KRTAP5-3: variants seen among roughly 807,000 people sequenced by gnomAD.
KRTAP5-3 encodes keratin-associated protein 5-3.
A neutral mutation model predicts 2.3 loss-of-function variants in KRTAP5-3; 1 was observed. The observed-to-expected ratio is 0.44, with a 90% confidence interval of 0.16 to 2.10. The LOEUF (loss-of-function observed/expected upper bound fraction) is 2.10. Among genes scored for constraint, KRTAP5-3 ranks in the 30% most tolerant of loss-of-function variants. The pLI is 0.28. For synonymous variants in KRTAP5-3, 92 were observed against 117.6 expected, an observed-to-expected ratio of 0.78 and a Z score of 1.41; for missense variants, 229 against 291.4, an observed-to-expected ratio of 0.79 and a Z score of 1.56.
rs1849426948 is a variant in KRTAP5-3, at chr11:1,607,642, G to A, written c.*27C>T. On this transcript the variant is annotated 3_prime_UTR_variant, in exon 1 of 1. Coordinates refer to ENST00000399685, the MANE Select transcript of KRTAP5-3 (RefSeq NM_001012708.2). Reference sequence around the variant, plus strand: ...ATTCCTGGAGAGCCCGGATCTGTAGGACCCACTGAGGTTTGTGGGCAGAGC... The same window carrying A: ...ATTCCTGGAGAGCCCGGATCTGTAGAACCCACTGAGGTTTGTGGGCAGAGC... 1.2e-6 allele frequency: 2 copies of A among 1,614,064 alleles called. No individual in the cohort carries two copies. The highest frequency in any genetic ancestry group is 2.2e-5 in the East Asian group (1 of 44,900).
chr11:1,608,235 C>T lies in KRTAP5-3; in HGVS notation c.151G>A (p.Ala51Thr), dbSNP rs776445636. 1 of 1,601,234 alleles carries T rather than the reference C, an allele frequency of 6.2e-7. No homozygotes were observed. Among genetic ancestry groups the T allele is most frequent in the African/African-American group, 1.4e-5 (1 of 71,918 alleles). ...GAGCCACAGCTGGAGCAGGAACAGGCTGGCACACAGCAGCACACGGGCTTG... is the reference window on the plus strand; with the variant it reads ...GAGCCACAGCTGGAGCAGGAACAGGTTGGCACACAGCAGCACACGGGCTTG... ...CCKPVCCCVP[A>T]CSCSSCGSCG... The change falls in exon 1 of 1, where the codon GCC becomes ACC. Residue 51 changes from alanine (A) to threonine (T), a missense_variant. Ala to Thr is a moderately conservative substitution (Grantham distance 58). Around this residue, in one of 2 missense-constraint regions of KRTAP5-3, gnomAD observed 190 missense variants for 207.6 expected, o/e 0.92. Transcript: ENST00000399685.
In KRTAP5-3 at chr11:1,608,269, G is replaced by A; in HGVS notation, c.117C>T (p.Val39=). The A allele has an allele frequency of 3.7e-6, 6 of 1,611,884 alleles. No individual in the cohort carries two copies. Among genetic ancestry groups the A allele is most frequent in the Non-Finnish European group, 5.1e-6 (6 of 1,179,734 alleles). Residue 39 remains valine (V), a synonymous_variant, in exon 1 of 1, where the codon GTC becomes GTT. Transcript: ENST00000399685. ...AGCAGCACACGGGCTTGCAGCAGCA[G>A]ACAGGTACACAGCAGCCGGAGCCAC... ...GGCGSGCCVP[V]CCCKPVCCCV... is the part of the protein sequence containing the mutation.
In KRTAP5-3 at chr11:1,607,808, CA is replaced by C; in HGVS notation, c.577del (p.Cys193AlafsTer73). On this transcript the variant is annotated frameshift_variant, in exon 1 of 1. Transcript: ENST00000399685. LOFTEE classifies it low-confidence loss of function (END_TRUNC). Reference protein sequence around the residue: ...SCCQSSCCKPCCSQSSCCKPC... With the variant: ...SCCQSSCCKPXCSQSSCCKPC... ...CTTACAGCAGCTGGACTGGGAACAG[CA>C]GGGTTTGCAGCAGCTGGACTGGCAG... is the stretch of plus-strand genomic sequence containing the variant. 6.4e-7 allele frequency: 1 copy of C among 1,559,398 alleles called. No homozygotes were observed.
chr11:1,608,369 C>A lies in KRTAP5-3; in HGVS notation c.17G>T (p.Cys6Phe), dbSNP rs749904418. 1 of 1,612,562 alleles carries A rather than the reference C, an allele frequency of 6.2e-7. No individual in the cohort carries two copies. Among genetic ancestry groups the A allele is most frequent in the South Asian group, 1.1e-5 (1 of 90,972 alleles). The change falls in exon 1 of 1, where the codon TGC becomes TTC. Residue 6 changes from cysteine to phenylalanine, a missense_variant. By Grantham distance (205) the Cys-to-Phe change is radical. This residue lies in a region of KRTAP5-3 where 190 missense variants were observed against 207.6 expected (regional missense o/e 0.92). Transcript: ENST00000399685. ...ACAGCTGGAGCCACAGCCTCCAGAG[C>A]AGCCAGAGCAGCCCATGGTTCTGGT... MGCSG[C>F]SGGCGSSCGG...
rs1849426540 is a variant in KRTAP5-3 at position 1,607,616 on chromosome 11, C to A, written c.*53G>T. The A allele has an allele frequency of 6.2e-7, 1 of 1,612,944 alleles. No homozygotes were observed. The highest frequency in any genetic ancestry group is 1.1e-5 in the South Asian group (1 of 90,964). On this transcript the variant is annotated 3_prime_UTR_variant, in exon 1 of 1. Transcript: ENST00000399685. ...CAGGAATTCAGGACACAGCTGCAAT[C>A]ATTCCTGGAGAGCCCGGATCTGTAG... is the stretch of plus-strand genomic sequence containing the variant.
At position 1,608,241 on chromosome 11, in the gene KRTAP5-3, C is replaced by T. The variant is rs745472395; in HGVS notation, c.145G>A (p.Val49Met). ...CAGCTGGAGCAGGAACAGGCTGGCA[C>T]ACAGCAGCACACGGGCTTGCAGCAG... ...VCCCKPVCCCVPACSCSSCGS... is the reference protein window; with the variant it reads ...VCCCKPVCCCMPACSCSSCGS... The change falls in exon 1 of 1, where the codon GTG becomes ATG. Residue 49 changes from valine to methionine, a missense_variant. This residue lies in a region of KRTAP5-3 where 190 missense variants were observed against 207.6 expected (regional missense o/e 0.92). Transcript: ENST00000399685. 5.6e-6 allele frequency: 9 copies of T among 1,609,074 alleles called. No individual in the cohort carries two copies. The highest frequency in any genetic ancestry group is 7.6e-6 in the Non-Finnish European group (9 of 1,178,994).
At position 1,607,686 on chromosome 11, in the gene KRTAP5-3, A is replaced by G. The variant is rs1399419114; in HGVS notation, c.700T>C (p.Cys234Arg). The G allele has an allele frequency of 2.5e-6, 4 of 1,614,242 alleles. No individual in the cohort carries two copies. The highest frequency in any genetic ancestry group is 1.7e-5 in the Admixed American group (1 of 60,030). Residue 234 changes from cysteine (C) to arginine (R), a missense_variant, in exon 1 of 1, where the codon TGC (cysteine) becomes CGC (arginine). Physicochemically the swap from Cys to Arg is radical, Grantham distance 180. This residue lies in a region of KRTAP5-3 where 39 missense variants were observed against 83.8 expected (regional missense o/e 0.47). Coordinates refer to ENST00000399685, the MANE Select transcript of KRTAP5-3 (RefSeq NM_001012708.2). Reference protein sequence around the residue: ...SQSSCCVPICCQCKI With the variant: ...SQSSCCVPICRQCKI The stretch of plus-strand genomic sequence containing the variant: ...GCAGAGCCTCAGATCTTGCACTGGC[A>G]GCAAATTGGGACACAGCAGCTGGAC...
rs1387088079 is a variant in KRTAP5-3, at chr11:1,608,263, G to T, written c.123C>A (p.Cys41Ter). The T allele has an allele frequency of 4.3e-6, 7 of 1,611,292 alleles. No individual in the cohort carries two copies. Among genetic ancestry groups the T allele is most frequent in the Non-Finnish European group, 5.9e-6 (7 of 1,179,666 alleles). Residue 41 changes from cysteine (C) to a stop codon, truncating the protein, a stop_gained, in exon 1 of 1, where the codon TGC becomes TGA. Transcript: ENST00000399685. LOFTEE classifies it low-confidence loss of function (END_TRUNC). The part of the protein sequence containing the change: ...CGSGCCVPVC[C>*]CKPVCCCVPA... ...GCACACAGCAGCACACGGGCTTGCA[G>T]CAGCAGACAGGTACACAGCAGCCGG... is the stretch of plus-strand genomic sequence containing the variant.
rs1849439527 is a variant in KRTAP5-3, at chr11:1,608,255, G to A, written c.131C>T (p.Pro44Leu). The change falls in exon 1 of 1, where the codon CCC becomes CTC. Residue 44 changes from proline to leucine, a missense_variant. Transcript: ENST00000399685. ...ACAGGCTGGCACACAGCAGCACACG[G>A]GCTTGCAGCAGCAGACAGGTACACA... ...GCCVPVCCCK[P>L]VCCCVPACSC... 3 of 1,603,192 alleles carry A rather than the reference G, an allele frequency of 1.9e-6. No homozygotes were observed. Among genetic ancestry groups the A allele is most frequent in the African/African-American group, 1.4e-5 (1 of 72,742 alleles).
In KRTAP5-3 at chr11:1,608,161, C is replaced by A; in HGVS notation, c.225G>T (p.Gly75=). The A allele has an allele frequency of 6.3e-7, 1 of 1,589,942 alleles. No homozygotes were observed. Among genetic ancestry groups the A allele is most frequent in the Non-Finnish European group, 8.5e-7 (1 of 1,169,836 alleles). ...GVCGSCGGCK[G]GCGSCGGSKG... ...TGGAGCCTCCACAGGAGCCACAGCC[C>A]CCCTTGCAGCCCCCACAAGAGCCAC... Residue 75 remains glycine, a synonymous_variant, in exon 1 of 1, where the codon GGG becomes GGT. Transcript: ENST00000399685.
chr11:1,608,022 C>T lies in KRTAP5-3; in HGVS notation c.364G>A (p.Gly122Ser), dbSNP rs757217811. Residue 122 changes from glycine (G) to serine (S), a missense_variant, in exon 1 of 1, where the codon GGT (glycine) becomes AGT (serine). Coordinates refer to ENST00000399685, the MANE Select transcript of KRTAP5-3 (RefSeq NM_001012708.2). ...CTGCACTGGGAGCAGCCACAAGAAC[C>T]GCAGCCCCCCTTGGAGCCCCCACGA... ...GFRGGSKGGCGSCGCSQCSCY... is the reference protein window; with the variant it reads ...GFRGGSKGGCSSCGCSQCSCY... 9.9e-5 allele frequency: 159 copies of T among 1,613,100 alleles called. No homozygotes were observed. The East Asian group carries it at 2.3e-3, about 24-fold the overall frequency.
At position 1,607,802 on chromosome 11, in the gene KRTAP5-3, GA is replaced by G. The variant is rs2133504114; in HGVS notation, c.583del (p.Ser195ProfsTer71). ...CQSSCCKPCC[S>X]QSSCCKPCCC... ...GCAGGGCTTACAGCAGCTGGACTGG[GA>G]ACAGCAGGGTTTGCAGCAGCTGGAC... On this transcript the variant is annotated frameshift_variant, in exon 1 of 1. Coordinates refer to ENST00000399685, the MANE Select transcript of KRTAP5-3 (RefSeq NM_001012708.2). LOFTEE classifies it low-confidence loss of function (END_TRUNC). 9.4e-5 allele frequency: 146 copies of G among 1,559,706 alleles called. 11 individuals carry two copies. The highest frequency in any genetic ancestry group is 5.8e-4 in the East Asian group (24 of 41,550).
Position 1,607,602 on chromosome 11 carries a change from G to T in KRTAP5-3, c.*67C>A. ...TCAGAGACGTGCTTCAGGAATTCAG[G>T]ACACAGCTGCAATCATTCCTGGAGA... On this transcript the variant is annotated 3_prime_UTR_variant, in exon 1 of 1. Transcript: ENST00000399685. 6.2e-7 allele frequency: 1 copy of T among 1,610,358 alleles called. No individual in the cohort carries two copies. The highest frequency in any genetic ancestry group is 8.5e-7 in the Non-Finnish European group (1 of 1,177,562).
In KRTAP5-3 at chr11:1,608,373, C is replaced by T. The variant is rs755591808; in HGVS notation, c.13G>A (p.Gly5Ser). MGCS[G>S]CSGGCGSSCG... is the part of the protein sequence containing the mutation. Reference sequence around the variant, plus strand: ...CTGGAGCCACAGCCTCCAGAGCAGCCAGAGCAGCCCATGGTTCTGGTGGGT... The same window carrying T: ...CTGGAGCCACAGCCTCCAGAGCAGCTAGAGCAGCCCATGGTTCTGGTGGGT... The change falls in exon 1 of 1, where the codon GGC (glycine) becomes AGC (serine). Residue 5 changes from glycine (G) to serine (S), a missense_variant. Gly to Ser is a moderately conservative substitution (Grantham distance 56, BLOSUM62 0). Around this residue, in one of 2 missense-constraint regions of KRTAP5-3, gnomAD observed 190 missense variants for 207.6 expected, o/e 0.92. Coordinates refer to ENST00000399685, the MANE Select transcript of KRTAP5-3 (RefSeq NM_001012708.2). The T allele has an allele frequency of 1.9e-6, 3 of 1,612,352 alleles. No homozygotes were observed.
rs1849442348 is a variant in KRTAP5-3, at chr11:1,608,353, G to A, written c.33C>T (p.Gly11=). The A allele has an allele frequency of 1.2e-6, 2 of 1,612,540 alleles. No individual in the cohort carries two copies. Among genetic ancestry groups the A allele is most frequent in the East Asian group, 4.5e-5 (2 of 44,870 alleles). Residue 11 remains glycine (G), a synonymous_variant, in exon 1 of 1, where the codon GGC becomes GGT. Coordinates refer to ENST00000399685, the MANE Select transcript of KRTAP5-3 (RefSeq NM_001012708.2). ...TGGAGCCACAGCCCCCACAGCTGGA[G>A]CCACAGCCTCCAGAGCAGCCAGAGC... MGCSGCSGGC[G]SSCGGCGSSC...
Position 1,608,314 on chromosome 11 carries a change from A to G in KRTAP5-3, c.72T>C (p.Cys24=). The G allele has an allele frequency of 1.9e-6, 3 of 1,608,658 alleles. No homozygotes were observed. The highest frequency in any genetic ancestry group is 8.5e-7 in the Non-Finnish European group (1 of 1,178,688). Residue 24 remains cysteine, a synonymous_variant, in exon 1 of 1, where the codon TGT becomes TGC. Coordinates refer to ENST00000399685, the MANE Select transcript of KRTAP5-3 (RefSeq NM_001012708.2). Reference sequence around the variant, plus strand: ...AGCCACAGCCCCCATAGCCGGAGCCACAGCCCCCACAGCTGGAGCCACAGC... The same window carrying G: ...AGCCACAGCCCCCATAGCCGGAGCCGCAGCCCCCACAGCTGGAGCCACAGC... ...CGGCGSSCGG[C]GSGYGGCGSG...
chr11:1,607,919 GAGCAGCTGGGCTTGC>G lies in KRTAP5-3; in HGVS notation c.452_466del (p.Cys151_Cys155del), dbSNP rs776232406. ...GCAGGGCTTACAGCAGCTGGACTGG[GAGCAGCTGGGCTTGC>G]AGCAGCTGGACTGGCAGCAGGATGA... On this transcript the variant is annotated inframe_deletion, in exon 1 of 1. Transcript: ENST00000399685. The G allele has an allele frequency of 4.4e-6, 7 of 1,601,488 alleles. No individual in the cohort carries two copies. In the Admixed American group the frequency reaches 1.2e-4, roughly 27 times the overall value.
rs1489446513 is a variant in KRTAP5-3, at chr11:1,607,986, G to T, written c.400C>A (p.Pro134Thr). 5 of 1,613,736 alleles carry T rather than the reference G, an allele frequency of 3.1e-6. No individual in the cohort carries two copies. The highest frequency in any genetic ancestry group is 2.2e-5 in the East Asian group (1 of 44,860). ...CCACAGCCTGAGGAGCAGCAGCAGG[G>T]CTTATAGCAGCTGCACTGGGAGCAG... ...CGCSQCSCYKPCCCSSGCGSS... is the reference protein window; with the variant it reads ...CGCSQCSCYKTCCCSSGCGSS... Residue 134 changes from proline to threonine, a missense_variant, in exon 1 of 1, where the codon CCC becomes ACC. Coordinates refer to ENST00000399685, the MANE Select transcript of KRTAP5-3 (RefSeq NM_001012708.2).
rs201503324 is a variant in KRTAP5-3, at chr11:1,608,253, C to T, written c.133G>A (p.Val45Met). ...GAACAGGCTGGCACACAGCAGCACA[C>T]GGGCTTGCAGCAGCAGACAGGTACA... ...CCVPVCCCKP[V>M]CCCVPACSCS... The change falls in exon 1 of 1, where the codon GTG becomes ATG. Residue 45 changes from valine to methionine, a missense_variant. By Grantham distance (21) the Val-to-Met change is conservative. Around this residue, in one of 2 missense-constraint regions of KRTAP5-3, gnomAD observed 190 missense variants for 207.6 expected, o/e 0.92. Transcript: ENST00000399685. The T allele has an allele frequency of 1.1e-4, 181 of 1,601,146 alleles. No individual in the cohort carries two copies. Among genetic ancestry groups the T allele is most frequent in the Non-Finnish European group, 1.3e-4 (156 of 1,175,150 alleles).
Sources: allele counts gnomAD v4.1 joint callset, GRCh38; gene constraint gnomAD v4.1.1; regional missense constraint gnomAD v4.1.1; transcripts MANE v1.5; gene names NCBI Gene and HGNC (gene_info 2026-07-23, HGNC 2026-07-21).